FARP1: variants seen among roughly 807,000 people sequenced by gnomAD.
FARP1 encodes FERM, ARHGEF and pleckstrin domain-containing protein 1.
A neutral mutation model predicts 128.8 loss-of-function variants in FARP1; 52 were observed. The ratio of observed to expected loss-of-function variants is 0.40; its 90% CI spans 0.32 to 0.51. FARP1 has a LOEUF of 0.51. Among genes scored for constraint, FARP1 ranks in the 20% least tolerant of loss-of-function variants. The probability of loss-of-function intolerance (pLI) is 0.45; values close to 1 mark genes in which losing one functional copy is unlikely to be tolerated. For synonymous variants in FARP1, 580 were observed against 551.8 expected (o/e 1.05, Z -0.72); for missense variants, 1,333 against 1,367.9 (o/e 0.97, Z 0.40).
chr13:98,244,461 G>C, intron 2 of FARP1: 3 of 1,596,262 alleles, frequency 1.9e-6, no homozygotes, highest in Non-Finnish European at 2.6e-6. Flanking sequence ...CCTTTTCAAG[G>C]GAGTAGCATT....
chr13:98,328,933 T>C (rs1416072482), intron 2 of FARP1: 1 of 152,202 alleles, frequency 6.6e-6, no homozygotes, highest in Non-Finnish European at 1.5e-5. Flanking sequence ...AAATTTTCTA[T>C]TTAAAATTGA....
At chr13:98,243,307 T>C (rs892956064) in intron 2 of FARP1, among the ~76,000 whole-genome samples, 4 of 152,170 alleles carry the variant, frequency 2.6e-5, no homozygotes, top group African/African-American at 9.7e-5. Flanking sequence ...TGGTGCATTG[T>C]GGAATGTGTG....
chr13:98,148,666 A>G (rs959599288), intron 1 of FARP1, among the ~76,000 whole-genome samples: 1 of 152,182 alleles, frequency 6.6e-6, no homozygotes, highest in African/African-American at 2.4e-5. Context: ...TGTTGGTGGT[A>G]ACTTCAGTTT....
intron 1 of FARP1, among the ~76,000 whole-genome samples, chr13:98,197,611 CAGG>C (rs2139255466): frequency 6.6e-6 from 1 of 152,010 alleles, no homozygotes; most frequent in Non-Finnish European, 1.5e-5. Context: ...TGGTAGAGGG[CAGG>C]AGAACTTTTG....
intron 24 of FARP1, among the ~76,000 whole-genome samples, chr13:98,442,488 T>TTCCCAGCTGTCCCCACATACGAGGCTCTG (rs1892565768): frequency 1.3e-5 from 2 of 152,232 alleles, no homozygotes; most frequent in Non-Finnish European, 2.9e-5. Context: ...ACAGCCTTTC[T>TTCCCAGCTGTCCCCACATACGAGGCTCTG]TCCCAGCTGT....
chr13:98,160,655 A>C (rs1876814975), intron 1 of FARP1, among the ~76,000 whole-genome samples: 1 of 151,988 alleles, frequency 6.6e-6, no homozygotes, highest in Admixed American at 6.6e-5. Flanking sequence ...TATTTTTAAA[A>C]ATTTTTTTAA....
chr13:98,356,302 A>C (rs1888638205), intron 3 of FARP1, among the ~76,000 whole-genome samples: 1 of 152,210 alleles, frequency 6.6e-6, no homozygotes, highest in Non-Finnish European at 1.5e-5. Context: ...ACTTACACAA[A>C]CAGGTGGTGT....
intron 2 of FARP1, among the ~76,000 whole-genome samples, chr13:98,313,360 A>G (rs7330682): frequency 0.64 from 96,901 of 150,582 alleles, 31,410 homozygotes; most frequent in South Asian, 0.74. Context: ...GTGCAGGCCC[A>G]GGGAGAAGGC....
intron 5 of FARP1, among the ~76,000 whole-genome samples, chr13:98,374,042 A>G (rs1312121926): frequency 6.6e-6 from 1 of 152,204 alleles, no homozygotes. Context: ...TTCTATGCAT[A>G]CATATGTACT....
chr13:98,176,654 T>C lies in FARP1; in HGVS notation c.-24+33162T>C, dbSNP rs1161271027. ...CCAGTCTCCTTGTAGTCCTTGCAGA[T>C]GTCAGGCTGGTAATCCCAGCGCACA... On this transcript the variant is annotated intron_variant, in intron 1 of 26. Coordinates refer to ENST00000319562, the MANE Select transcript of FARP1 (RefSeq NM_005766.4). This position sits in a 1 kb window ranked among gnomAD's most constrained non-coding sequence, Gnocchi z 6.2. 5.0e-6 allele frequency: 8 copies of C among 1,614,222 alleles called. No homozygotes were observed. The highest frequency in any genetic ancestry group is 6.8e-6 in the Non-Finnish European group (8 of 1,180,036).
chr13:98,181,207 A>G (rs1441225109), intron 1 of FARP1, among the ~76,000 whole-genome samples: 1 of 152,182 alleles, frequency 6.6e-6, no homozygotes, highest in Non-Finnish European at 1.5e-5. Flanking sequence ...AAGTGAAGGA[A>G]AAAATTGGGA....
At chr13:98,430,929 C>G in intron 17 of FARP1, 114 bp from the exon 18 acceptor site, 1 of 677,196 alleles carries the variant, frequency 1.5e-6, no homozygotes, top group Non-Finnish European at 2.6e-6. Context: ...GGAAATTAAA[C>G]AAATCGTGAA....
At chr13:98,356,603 G>T (rs953236745) in intron 3 of FARP1, among the ~76,000 whole-genome samples, 5 of 148,332 alleles carry the variant, frequency 3.4e-5, no homozygotes, top group African/African-American at 1.3e-4. Context: ...TTATCATTAA[G>T]AAATTACCCT....
In FARP1 at chr13:98,448,259, C is replaced by T; in HGVS notation, c.3080C>T (p.Ala1027Val). The change falls in exon 27 of 27, where the codon GCC becomes GTC. Residue 1027 changes from alanine to valine, a missense_variant. Around this residue, in one of 2 missense-constraint regions of FARP1, gnomAD observed 1,009 missense variants for 969.8 expected, o/e 1.04. Coordinates refer to ENST00000319562, the MANE Select transcript of FARP1 (RefSeq NM_005766.4). The stretch of plus-strand genomic sequence containing the variant: ...AGGTGGATGGAAGTGATCCGCAGTG[C>T]CACCAGCTCTGCCTCGCGACCCCAC... ...FERWMEVIRS[A>V]TSSASRPHVL... The T allele has an allele frequency of 1.2e-6, 2 of 1,613,978 alleles. No homozygotes were observed. Among genetic ancestry groups the T allele is most frequent in the Non-Finnish European group, 1.7e-6 (2 of 1,179,846 alleles).
chr13:98,437,920 A>G (rs1405083067), intron 19 of FARP1: 7 of 1,190,938 alleles, frequency 5.9e-6, no homozygotes, highest in Admixed American at 1.7e-5. Context: ...CTTGGCACTC[A>G]TCAGGCCGCC....
chr13:98,388,616 C>T (rs1249288256), intron 9 of FARP1, 138 bp downstream of exon 9: 3 of 665,166 alleles, frequency 4.5e-6, no homozygotes, highest in Non-Finnish European at 8.2e-6. Context: ...CACATGAACG[C>T]CGAGCGTCTC....
intron 2 of FARP1, among the ~76,000 whole-genome samples, chr13:98,281,338 G>C (rs574001679): frequency 1.3e-5 from 2 of 151,784 alleles, no homozygotes; most frequent in African/African-American, 4.8e-5. Flanking sequence ...CTGTTCTCCA[G>C]CCTGGGCAAC....
intron 2 of FARP1, among the ~76,000 whole-genome samples, chr13:98,221,573 T>TAA (rs1881416775): frequency 6.6e-6 from 1 of 152,224 alleles, no homozygotes; most frequent in Non-Finnish European, 1.5e-5. Context: ...TTTGTGGACT[T>TAA]ACGTGCAGCT....
intron 2 of FARP1, among the ~76,000 whole-genome samples, chr13:98,219,611 G>A (rs1389274042): frequency 1.3e-5 from 2 of 152,026 alleles, no homozygotes; most frequent in African/African-American, 4.8e-5. Context: ...GGGATGACGG[G>A]CATGAGCCAC....
Sources: gnomAD v4.1 joint callset for allele counts (sites outside exome capture counted in the v4.1 genomes callset) on GRCh38, gnomAD v4.1.1 for gene constraint, gnomAD v4.1.1 regional missense constraint, Gnocchi (gnomAD v3.1) non-coding constraint, MANE v1.5 for transcripts, NCBI Gene and HGNC (gene_info 2026-07-23, HGNC 2026-07-21) for gene names.